Variants in RBM20 observed in about 807,000 individuals in gnomAD.
RBM20 encodes RNA binding motif protein 20, also known as RNA-binding protein 20.
RBM20 carries 51 observed loss-of-function variants against 110.1 expected under a neutral mutation model. The ratio of observed to expected loss-of-function variants is 0.46; its 90% CI spans 0.37 to 0.59. The LOEUF (loss-of-function observed/expected upper bound fraction) is 0.59, where lower values mean the gene tolerates loss of function less well. RBM20 is among the 20% of genes least tolerant of loss of function. The pLI is 0.00. For missense variants in RBM20, 1,512 were observed against 1,574.9 expected, an observed-to-expected ratio of 0.96 and a Z score of 0.68; for synonymous variants, 589 against 618.2, an observed-to-expected ratio of 0.95 and a Z score of 0.70.
At chr10:110,794,925 C>T (rs551891408) in intron 5 of RBM20, among the ~76,000 whole-genome samples, 20 of 152,332 alleles carry the variant, frequency 1.3e-4, no homozygotes, top group African/African-American at 4.6e-4. Flanking sequence ...TTGAGTTGTC[C>T]TTTCAGTCTG....
chr10:110,785,543 G>A lies in RBM20; in HGVS notation c.1527+654G>A, dbSNP rs554891119. Among the ~76,000 whole-genome samples, 4 of 152,254 alleles carry A rather than the reference G, an allele frequency of 2.6e-5. No individual in the cohort carries two copies. The East Asian group carries it at 7.7e-4, about 29-fold the overall frequency. On this transcript the variant is annotated intron_variant, in intron 5 of 13. Transcript: ENST00000369519. ...TGCACTCCAGCGCAGGTGACAGACC[G>A]GGACTCTGTCTCAAAACAAACAAAC... is the stretch of plus-strand genomic sequence containing the variant.
chr10:110,801,865 T>C (rs752680908), intron 7 of RBM20, among the ~76,000 whole-genome samples: 1 of 152,062 alleles, frequency 6.6e-6, no homozygotes, highest in Non-Finnish European at 1.5e-5. Context: ...AGTTTTATAT[T>C]TTATTCCCCT....
intron 7 of RBM20, among the ~76,000 whole-genome samples, chr10:110,808,859 G>A (rs1377510462): frequency 6.6e-6 from 1 of 152,028 alleles, no homozygotes; most frequent in African/African-American, 2.4e-5. Flanking sequence ...CACATCTCTG[G>A]ACCTGAGATT....
At position 110,767,487 on chromosome 10, in the gene RBM20, T is replaced by C. The variant is rs1384633487; in HGVS notation, c.192-13314T>C. Among the ~76,000 whole-genome samples, 32 of 113,292 alleles carry C rather than the reference T, an allele frequency of 2.8e-4. No individual in the cohort carries two copies. The South Asian group carries it at 5.5e-3, about 20-fold the overall frequency. 74.3% of individuals were successfully genotyped at this position (113,292 alleles called of 152,430 possible). A position where few individuals can be genotyped will look rare whatever the true frequency, so the allele number is the denominator to read the frequency against. On this transcript the variant is annotated intron_variant, in intron 1 of 13. Transcript: ENST00000369519. ...GCCGGGCGGAGGGGCTCCTCACTTCTCAGACGGGGCGGCTGCGGGGCGGAG... is the reference window on the plus strand; with the variant it reads ...GCCGGGCGGAGGGGCTCCTCACTTCCCAGACGGGGCGGCTGCGGGGCGGAG...
chr10:110,671,129 T>C (rs1203263406), intron 1 of RBM20, among the ~76,000 whole-genome samples: 1 of 152,218 alleles, frequency 6.6e-6, no homozygotes, highest in African/African-American at 2.4e-5. Flanking sequence ...AAGCCTCCAG[T>C]GGATCATCTT....
chr10:110,708,775 T>G (rs1862879049), intron 1 of RBM20, among the ~76,000 whole-genome samples: 1 of 152,206 alleles, frequency 6.6e-6, no homozygotes, highest in South Asian at 2.1e-4. Flanking sequence ...TGTTTCCCAT[T>G]CTGGAAGGTG....
At chr10:110,703,461 T>C (rs1399034915) in intron 1 of RBM20, among the ~76,000 whole-genome samples, 1 of 151,912 alleles carries the variant, frequency 6.6e-6, no homozygotes, top group Non-Finnish European at 1.5e-5. Context: ...AATGATGAGA[T>C]TTCCCATGTA....
intron 7 of RBM20, among the ~76,000 whole-genome samples, chr10:110,802,029 C>T (rs1174191843): frequency 6.6e-6 from 1 of 152,120 alleles, no homozygotes; most frequent in Non-Finnish European, 1.5e-5. Flanking sequence ...TTAACTGGAG[C>T]ACGTAGTCTA....
intron 1 of RBM20, among the ~76,000 whole-genome samples, chr10:110,729,940 T>C (rs553583465): frequency 6.6e-6 from 1 of 152,310 alleles, no homozygotes; most frequent in African/African-American, 2.4e-5. Flanking sequence ...CTCAGCCTCC[T>C]GAGTAGCTGG....
chr10:110,833,814 C>CTGG (rs1310586577), intron 13 of RBM20, among the ~76,000 whole-genome samples: 1 of 152,182 alleles, frequency 6.6e-6, no homozygotes, highest in Admixed American at 6.5e-5. Flanking sequence ...GTAGCTTTAC[C>CTGG]TGGTGCACCT....
chr10:110,724,312 G>T (rs756699819), intron 1 of RBM20, among the ~76,000 whole-genome samples: 4 of 152,212 alleles, frequency 2.6e-5, no homozygotes, highest in Non-Finnish European at 5.9e-5. Context: ...TAAAACATCT[G>T]CTCCAACAGG....
chr10:110,766,185 G>A (rs1048033946), intron 1 of RBM20, among the ~76,000 whole-genome samples: 8 of 152,174 alleles, frequency 5.3e-5, no homozygotes, highest in African/African-American at 1.7e-4. Context: ...TGCTTGGATC[G>A]TAACCACAGG....
At chr10:110,724,692 T>G (rs11195285) in intron 1 of RBM20, among the ~76,000 whole-genome samples, 3,772 of 152,266 alleles carry the variant, frequency 0.025, 83 homozygotes, top group Non-Finnish European at 0.038. Context: ...GGACATTCTT[T>G]CTCTGAAGCC....
At chr10:110,772,921 T>C (rs939345845) in intron 1 of RBM20, among the ~76,000 whole-genome samples, 3 of 152,228 alleles carry the variant, frequency 2.0e-5, no homozygotes, top group Admixed American at 6.5e-5. Flanking sequence ...CTTAGAGTTA[T>C]CAGATTTCAA....
At position 110,785,634 on chromosome 10, in the gene RBM20, G is replaced by C. The variant is rs144509797; in HGVS notation, c.1527+745G>C. 6.0e-3 allele frequency among the ~76,000 whole-genome samples: 920 copies of C among 152,148 alleles called. 4 individuals carry two copies. The highest frequency in any genetic ancestry group is 0.021 in the African/African-American group (865 of 41,484). On this transcript the variant is annotated intron_variant, in intron 5 of 13. Transcript: ENST00000369519. ...GTTTGTAGTATCACCTGCTATATCT[G>C]GGCCTAGAGGTGCTGACCTGGCTTT...
intron 1 of RBM20, among the ~76,000 whole-genome samples, chr10:110,657,274 C>A (rs1400453722): frequency 6.6e-6 from 1 of 151,878 alleles, no homozygotes; most frequent in African/African-American, 2.4e-5. Flanking sequence ...CTTGACCTCC[C>A]AAGGTGCTGG....
rs559403174 is a variant in RBM20, at chr10:110,681,794, G to T, written c.191+37149G>T. Among the ~76,000 whole-genome samples the T allele has an allele frequency of 2.6e-5, 4 of 151,358 alleles. No individual in the cohort carries two copies. The East Asian group carries it at 7.8e-4, about 29-fold the overall frequency. On this transcript the variant is annotated intron_variant, in intron 1 of 13. Transcript: ENST00000369519. ...TATCACAACCAAGAAAAGAATATTG[G>T]CACACTATTAATAACCACACTACAG...
At chr10:110,746,106 G>C (rs2000115) in intron 1 of RBM20, among the ~76,000 whole-genome samples, 52,365 of 152,002 alleles carry the variant, frequency 0.34, 9,965 homozygotes, top group East Asian at 0.51. Flanking sequence ...ATTCATATGC[G>C]TGGGACCTCA....
At chr10:110,758,162 G>A (rs899476389) in intron 1 of RBM20, among the ~76,000 whole-genome samples, 2 of 151,638 alleles carry the variant, frequency 1.3e-5, no homozygotes, top group African/African-American at 2.4e-5. Context: ...GGGACTAGAG[G>A]TGTGCACCAC....
Sources: allele counts gnomAD v4.1 joint callset (sites outside exome capture counted in the v4.1 genomes callset), GRCh38; gene constraint gnomAD v4.1.1; transcripts MANE v1.5; gene names NCBI Gene and HGNC (gene_info 2026-07-23, HGNC 2026-07-21).